PCDHGA10: variants seen among roughly 807,000 people sequenced by gnomAD.
The protein encoded by PCDHGA10 is protocadherin gamma-A10.
PCDHGA10 carries 42 observed loss-of-function variants against 59.5 expected under a neutral mutation model. The observed-to-expected ratio is 0.71, with a 90% CI of 0.55 to 0.91. PCDHGA10 has a LOEUF of 0.91. PCDHGA10 is among the 40% of genes least tolerant of loss of function. The pLI, the probability that PCDHGA10 is intolerant of heterozygous loss-of-function variation, is 0.00. For missense variants in PCDHGA10, 1,111 were observed against 1,198.2 expected (o/e 0.93, Z 1.07); for synonymous variants, 511 against 517.2 (o/e 0.99, Z 0.16).
Position 141,421,488 on chromosome 5 carries a change from G to A in PCDHGA10, c.2436+5877G>A. On this transcript the variant is annotated intron_variant, in intron 1 of 3. Transcript: ENST00000398610. ...ATCCGCGAAGCGGCAGCTTGATCAC[G>A]GCAGGCAGGATAGACCGGGAGGAGC... The A allele has an allele frequency of 1.9e-6, 3 of 1,614,100 alleles. No homozygotes were observed. In the South Asian group the frequency reaches 3.3e-5, roughly 18 times the overall value.
chr5:141,424,134 A>G (rs1255504512), intron 1 of PCDHGA10: 7 of 444,220 alleles, frequency 1.6e-5, no homozygotes, highest in Non-Finnish European at 2.2e-5. Context: ...TTGATTTAAT[A>G]GCATGCTCCC....
rs186593502 is a variant in PCDHGA10 at position 141,429,415 on chromosome 5, A to G, written c.2436+13804A>G. Among the ~76,000 whole-genome samples, 582 of 151,976 alleles carry G rather than the reference A, an allele frequency of 3.8e-3. 6 individuals carry two copies. The highest frequency in any genetic ancestry group is 0.011 in the Admixed American group (171 of 15,260). ...AAAAAATTGAGATTAAGGTCTCATT[A>G]TGTTGCCCAGGCTGGACTCAAACTC... is the stretch of plus-strand genomic sequence containing the variant. On this transcript the variant is annotated intron_variant, in intron 1 of 3. Transcript: ENST00000398610.
At chr5:141,438,591 C>CATATATATATATATATATAT (rs946798767) in intron 1 of PCDHGA10, among the ~76,000 whole-genome samples, 1 of 75,562 alleles carries the variant, frequency 1.3e-5, no homozygotes, top group Non-Finnish European at 2.7e-5. Context: ...TACATACATA[C>CATATATATATATATATATAT]ATATATATAT....
At chr5:141,492,512 T>A (rs2099741406) in intron 1 of PCDHGA10, among the ~76,000 whole-genome samples, 1 of 152,116 alleles carries the variant, frequency 6.6e-6, no homozygotes, top group Admixed American at 6.5e-5. Flanking sequence ...GAGCCTCCTC[T>A]CACCTCTCCC....
intron 1 of PCDHGA10, among the ~76,000 whole-genome samples, chr5:141,433,790 T>A (rs1052636810): frequency 2.0e-5 from 3 of 151,564 alleles, no homozygotes; most frequent in South Asian, 4.2e-4. Flanking sequence ...TGAGCTGAGA[T>A]TGTGCCATTG....
intron 1 of PCDHGA10, chr5:141,440,479 T>C (rs949675242): frequency 6.6e-6 from 1 of 152,172 alleles, no homozygotes; most frequent in African/African-American, 2.4e-5. Context: ...TTGAAAATTC[T>C]TTAAATGTTT....
In PCDHGA10 at chr5:141,476,715, G is replaced by A. The variant is rs199871912; in HGVS notation, c.2437-18092G>A. 12 of 1,614,168 alleles carry A rather than the reference G, an allele frequency of 7.4e-6. No individual in the cohort carries two copies. The highest frequency in any genetic ancestry group is 1.7e-5 in the Admixed American group (1 of 60,032). On this transcript the variant is annotated intron_variant, in intron 1 of 3. Coordinates refer to ENST00000398610, the MANE Select transcript of PCDHGA10 (RefSeq NM_018913.3). The surrounding 1 kb of genome is among the most constrained non-coding windows in gnomAD (Gnocchi z 7.6). ...AAGTACGCGGAGCTGGTGTTGGAGC[G>A]CGCCCTGGACCGAGAACGGGAGCCT...
chr5:141,487,442 G>A lies in PCDHGA10; in HGVS notation c.2437-7365G>A, dbSNP rs749842864. 1 of 1,613,918 alleles carries A rather than the reference G, an allele frequency of 6.2e-7. No homozygotes were observed. Among genetic ancestry groups the A allele is most frequent in the Non-Finnish European group, 8.5e-7 (1 of 1,179,798 alleles). On this transcript the variant is annotated intron_variant, in intron 1 of 3. Coordinates refer to ENST00000398610, the MANE Select transcript of PCDHGA10 (RefSeq NM_018913.3). The surrounding 1 kb of genome is among the most constrained non-coding windows in gnomAD (Gnocchi z 5.0). ...GATCCTCCGAATCCAGCTAGGGTCA[G>A]ATGACCCTATCAAGTTTGTTGATGT...
In PCDHGA10 at chr5:141,490,858, G is replaced by C. The variant is rs775132338; in HGVS notation, c.2437-3949G>C. On this transcript the variant is annotated intron_variant, in intron 1 of 3. Coordinates refer to ENST00000398610, the MANE Select transcript of PCDHGA10 (RefSeq NM_018913.3). The surrounding 1 kb of genome is among the most constrained non-coding windows in gnomAD (Gnocchi z 5.4). ...GATTGTGGTGGGGGTTCGAGACTCC[G>C]GCTCTCCCCCATTGCATGCCAACAC... The C allele has an allele frequency of 1.5e-5, 24 of 1,613,704 alleles. 1 individual carries two copies. Among genetic ancestry groups the C allele is most frequent in the Non-Finnish European group, 2.0e-5 (24 of 1,179,918 alleles).
At chr5:141,459,075 G>T (rs562572838) in intron 1 of PCDHGA10, among the ~76,000 whole-genome samples, 1 of 152,134 alleles carries the variant, frequency 6.6e-6, no homozygotes, top group Non-Finnish European at 1.5e-5. Context: ...CATAAAATTT[G>T]CCTTTTAAAA....
intron 1 of PCDHGA10, among the ~76,000 whole-genome samples, chr5:141,446,686 C>T (rs574630887): frequency 1.3e-5 from 2 of 152,294 alleles, no homozygotes; most frequent in African/African-American, 4.8e-5. Context: ...CCATATTGGC[C>T]AGGCTGGTCT....
rs1362252002 is a variant in PCDHGA10, at chr5:141,486,112, G to C, written c.2437-8695G>C. ...TGGGGCCCCTAGACTTTGAGAGTGA[G>C]AATTACTATGAATTTGATGTGCGGG... On this transcript the variant is annotated intron_variant, in intron 1 of 3. Coordinates refer to ENST00000398610, the MANE Select transcript of PCDHGA10 (RefSeq NM_018913.3). The surrounding 1 kb of genome is among the most constrained non-coding windows in gnomAD (Gnocchi z 5.0). 6 of 1,614,166 alleles carry C rather than the reference G, an allele frequency of 3.7e-6. No individual in the cohort carries two copies. The highest frequency in any genetic ancestry group is 1.7e-6 in the Non-Finnish European group (2 of 1,180,024).
Position 141,505,474 on chromosome 5 carries a change from C to T in PCDHGA10, c.2577C>T (p.Ser859=), listed in dbSNP as rs751690779. The stretch of plus-strand genomic sequence containing the variant: ...TGCTGCAAGCCATGATCTTGGCGTC[C>T]GCCAGTGGTAAGTGGTGTCAGTGTG... ...TEMLQAMILA[S]ASEAADGSST... Residue 859 remains serine, a synonymous_variant, in exon 3 of 4, where the codon TCC becomes TCT. Transcript: ENST00000398610. 2.2e-5 allele frequency: 36 copies of T among 1,614,090 alleles called. No individual in the cohort carries two copies. The highest frequency in any genetic ancestry group is 5.3e-5 in the African/African-American group (4 of 74,934).
intron 1 of PCDHGA10, among the ~76,000 whole-genome samples, chr5:141,443,369 C>T (rs1403494558): frequency 6.6e-6 from 1 of 151,848 alleles, no homozygotes; most frequent in African/African-American, 2.4e-5. Context: ...CCTGTGGTCT[C>T]AGCTACTTGG....
chr5:141,511,328 A>G lies in PCDHGA10; in HGVS notation c.*155A>G. On this transcript the variant is annotated 3_prime_UTR_variant, in exon 4 of 4. Transcript: ENST00000398610. Reference sequence around the variant, plus strand: ...CCTTGGGAAACAGAAACAAGTGCCCAGTCAGCACCTACCCCTTCCCCCCCA... The same window carrying G: ...CCTTGGGAAACAGAAACAAGTGCCCGGTCAGCACCTACCCCTTCCCCCCCA... The G allele has an allele frequency of 6.9e-7, 1 of 1,456,862 alleles. No individual in the cohort carries two copies. Among genetic ancestry groups the G allele is most frequent in the Non-Finnish European group, 9.1e-7 (1 of 1,093,622 alleles). 90.2% of individuals were successfully genotyped at this position (1,456,862 alleles called of 1,614,324 possible).
chr5:141,473,479 G>A (rs1417960508), intron 1 of PCDHGA10, among the ~76,000 whole-genome samples: 1 of 152,118 alleles, frequency 6.6e-6, no homozygotes, highest in Non-Finnish European at 1.5e-5. Flanking sequence ...AAGTTCAATG[G>A]AAAAAATATA....
rs2097422953 is a variant in PCDHGA10 at position 141,431,840 on chromosome 5, C to A, written c.2436+16229C>A. The A allele has an allele frequency of 1.9e-6, 3 of 1,614,248 alleles. No homozygotes were observed. The highest frequency in any genetic ancestry group is 1.6e-4 in the Middle Eastern group (1 of 6,062). ...CGCCAGCTCGGTTCCCGAAAACTCT[C>A]CCAGAGGGACATTAATTGCCCTTTT... On this transcript the variant is annotated intron_variant, in intron 1 of 3. Transcript: ENST00000398610. The surrounding 1 kb of genome is among the most constrained non-coding windows in gnomAD (Gnocchi z 4.8).
At position 141,489,258 on chromosome 5, in the gene PCDHGA10, C is replaced by T. The variant is rs1594800449; in HGVS notation, c.2437-5549C>T. 3.2e-6 allele frequency: 5 copies of T among 1,551,530 alleles called. No individual in the cohort carries two copies. Among genetic ancestry groups the T allele is most frequent in the African/African-American group, 1.4e-5 (1 of 73,276 alleles). On this transcript the variant is annotated intron_variant, in intron 1 of 3. Coordinates refer to ENST00000398610, the MANE Select transcript of PCDHGA10 (RefSeq NM_018913.3). This position sits in a 1 kb window ranked among gnomAD's most constrained non-coding sequence, Gnocchi z 4.5. Reference sequence around the variant, plus strand: ...TCTGGGTCATGGGGCCCAAGACACTCCCACAGCTCGCTGGGAAATGGCAAG... The same window carrying T: ...TCTGGGTCATGGGGCCCAAGACACTTCCACAGCTCGCTGGGAAATGGCAAG...
In PCDHGA10 at chr5:141,490,211, ACCAGGGACAG is replaced by A. The variant is rs1259297201; in HGVS notation, c.2437-4593_2437-4584del. 1 of 1,614,212 alleles carries A rather than the reference ACCAGGGACAG, an allele frequency of 6.2e-7. No individual in the cohort carries two copies. ...TATGAAATTCATGCAAGAGCCCGTG[ACCAGGGACAG>A]CCTGCCATGGAGGGCCACTGTGTGA... is the stretch of plus-strand genomic sequence containing the variant. On this transcript the variant is annotated intron_variant, in intron 1 of 3. Transcript: ENST00000398610. The surrounding 1 kb of genome is among the most constrained non-coding windows in gnomAD (Gnocchi z 5.4).
Sources: gnomAD v4.1 joint callset for allele counts (sites outside exome capture counted in the v4.1 genomes callset) on GRCh38, gnomAD v4.1.1 for gene constraint, Gnocchi (gnomAD v3.1) non-coding constraint, MANE v1.5 for transcripts, NCBI Gene and HGNC (gene_info 2026-07-23, HGNC 2026-07-21) for gene names.